Variants in CREB5 observed in about 807,000 individuals in gnomAD.
CREB5 encodes the protein cAMP responsive element binding protein 5.
CREB5 carries 19 observed loss-of-function variants against 57.1 expected under a neutral mutation model. The observed-to-expected ratio is 0.33, with a 90% confidence interval of 0.23 to 0.49. The LOEUF is 0.49. Among genes scored for constraint, CREB5 ranks in the 20% least tolerant of loss-of-function variants. The probability of loss-of-function intolerance (pLI) is 0.99; values close to 1 mark genes in which losing one functional copy is unlikely to be tolerated. For synonymous variants in CREB5, 238 were observed against 238.3 expected, an observed-to-expected ratio of 1.00 and a Z score of 0.01; for missense variants, 579 against 671.6, an observed-to-expected ratio of 0.86 and a Z score of 1.52.
intron 1 of CREB5, among the ~76,000 whole-genome samples, chr7:28,436,273 A>G (rs1354865147): frequency 6.6e-6 from 1 of 152,150 alleles, no homozygotes. Context: ...ACATTTGTGC[A>G]TATGGCCTTT....
intron 1 of CREB5, among the ~76,000 whole-genome samples, chr7:28,394,261 G>A (rs1787294358): frequency 6.6e-6 from 1 of 151,782 alleles, no homozygotes; most frequent in African/African-American, 2.4e-5. Context: ...AAAAAGAGTA[G>A]AAAGCAAACA....
intron 1 of CREB5, among the ~76,000 whole-genome samples, chr7:28,480,133 C>A (rs1430405881): frequency 6.6e-6 from 1 of 151,662 alleles, no homozygotes; most frequent in Non-Finnish European, 1.5e-5. Flanking sequence ...ATTTATTTTA[C>A]ATGAAAATTG....
chr7:28,424,020 G>T (rs894748913), intron 1 of CREB5, among the ~76,000 whole-genome samples: 2 of 152,168 alleles, frequency 1.3e-5, no homozygotes, highest in African/African-American at 4.8e-5. Context: ...TATTGGCAGG[G>T]TTGGTTCCTT....
chr7:28,360,898 CTTTG>C (rs1429040269), intron 1 of CREB5, among the ~76,000 whole-genome samples: 3 of 152,022 alleles, frequency 2.0e-5, no homozygotes, highest in Non-Finnish European at 4.4e-5. Flanking sequence ...CTGGGGGAAG[CTTTG>C]TTTGACCCCA....
intron 5 of CREB5, among the ~76,000 whole-genome samples, chr7:28,629,134 T>C (rs561963434): frequency 6.6e-6 from 1 of 152,304 alleles, no homozygotes; most frequent in South Asian, 2.1e-4. Context: ...TCACAGGTTG[T>C]TGTAGAAATT....
chr7:28,437,418 A>G (rs1226324968), intron 1 of CREB5, among the ~76,000 whole-genome samples: 1 of 152,124 alleles, frequency 6.6e-6, no homozygotes, highest in Non-Finnish European at 1.5e-5. Flanking sequence ...GCCAAGAGAG[A>G]TCACCATTTC....
intron 5 of CREB5, among the ~76,000 whole-genome samples, chr7:28,614,900 T>C (rs1797537869): frequency 6.6e-6 from 1 of 152,202 alleles, no homozygotes; most frequent in Non-Finnish European, 1.5e-5. Flanking sequence ...ATTTCATTCA[T>C]ATTTTAACAT....
chr7:28,775,878 TTA>T (rs1167613497), intron 7 of CREB5, among the ~76,000 whole-genome samples: 1 of 152,132 alleles, frequency 6.6e-6, no homozygotes, highest in African/African-American at 2.4e-5. Context: ...AGTAGATGCT[TTA>T]TATATGTTTG....
chr7:28,347,827 TCA>T (rs1786093217), intron 1 of CREB5, among the ~76,000 whole-genome samples: 1 of 152,322 alleles, frequency 6.6e-6, no homozygotes, highest in East Asian at 1.9e-4. Flanking sequence ...CGTGGTTATT[TCA>T]TAGTTGCATC....
intron 5 of CREB5, among the ~76,000 whole-genome samples, chr7:28,574,841 T>A (rs911458272): frequency 6.6e-6 from 1 of 152,170 alleles, no homozygotes; most frequent in Non-Finnish European, 1.5e-5. Flanking sequence ...AAAAAAACCC[T>A]CCCTGATTTT....
chr7:28,780,910 G>C (rs1038664410), intron 7 of CREB5, among the ~76,000 whole-genome samples: 1 of 152,178 alleles, frequency 6.6e-6, no homozygotes, highest in Non-Finnish European at 1.5e-5. Flanking sequence ...TGACAAAACA[G>C]TAAAATATAT....
intron 5 of CREB5, among the ~76,000 whole-genome samples, chr7:28,667,531 C>T (rs1489160396): frequency 6.6e-6 from 1 of 151,522 alleles, no homozygotes; most frequent in Non-Finnish European, 1.5e-5. Flanking sequence ...AATAAATCTG[C>T]CCAAATATTT....
At chr7:28,373,585 A>C (rs1786759655) in intron 1 of CREB5, among the ~76,000 whole-genome samples, 1 of 151,192 alleles carries the variant, frequency 6.6e-6, no homozygotes, top group Non-Finnish European at 1.5e-5. Context: ...TACCATGCCC[A>C]GCTAATTTTT....
At chr7:28,574,539 GTA>G (rs1489046847) in intron 5 of CREB5, among the ~76,000 whole-genome samples, 2 of 152,188 alleles carry the variant, frequency 1.3e-5, no homozygotes, top group Non-Finnish European at 2.9e-5. Flanking sequence ...ATAAGTGATA[GTA>G]TATAATTTAC....
intron 1 of CREB5, among the ~76,000 whole-genome samples, chr7:28,444,522 T>A (rs569894748): frequency 6.6e-6 from 1 of 152,292 alleles, no homozygotes; most frequent in African/African-American, 2.4e-5. Context: ...AGCTGGTCAA[T>A]CATTGTTCCT....
chr7:28,692,161 G>A (rs1182425966), intron 5 of CREB5, among the ~76,000 whole-genome samples: 1 of 146,200 alleles, frequency 6.8e-6, no homozygotes, highest in African/African-American at 2.6e-5. Context: ...ACTCCAGCCT[G>A]GATCACAGAG....
intron 3 of CREB5, among the ~76,000 whole-genome samples, chr7:28,498,097 TCA>T (rs1324640033): frequency 6.6e-6 from 1 of 152,192 alleles, no homozygotes; most frequent in Non-Finnish European, 1.5e-5. Context: ...TTGCTAGAAC[TCA>T]CACTAAAGCC....
At chr7:28,646,663 G>A (rs1376525973) in intron 5 of CREB5, among the ~76,000 whole-genome samples, 2 of 152,080 alleles carry the variant, frequency 1.3e-5, no homozygotes, top group Non-Finnish European at 2.9e-5. Context: ...GAAAGAAATC[G>A]TCCAGAAAGG....
chr7:28,647,632 T>A (rs1798938212), intron 5 of CREB5, among the ~76,000 whole-genome samples: 1 of 152,158 alleles, frequency 6.6e-6, no homozygotes, highest in African/African-American at 2.4e-5. Context: ...CCAGGATAAT[T>A]CTTAGCTGAT....
Sources: allele counts gnomAD v4.1 joint callset (sites outside exome capture counted in the v4.1 genomes callset), GRCh38; gene constraint gnomAD v4.1.1; transcripts MANE v1.5; gene names NCBI Gene and HGNC (gene_info 2026-07-23, HGNC 2026-07-21).